Variants in MICU3 observed in about 807,000 individuals in gnomAD.
MICU3 encodes calcium uptake protein 3, mitochondrial.
In MICU3, 62 loss-of-function variants were observed where a neutral mutation model predicts 66.5. That is an observed-to-expected ratio of 0.93 (90% CI 0.76 to 1.15). MICU3 has a LOEUF of 1.15. Among genes scored for constraint, MICU3 ranks in the 50% most tolerant of loss-of-function variants. MICU3 has a pLI of 0.00. For missense variants in MICU3, 779 were observed against 664.4 expected (o/e 1.17, Z -1.90); for synonymous variants, 308 against 240.7 (o/e 1.28, Z -2.59).
chr8:17,107,297 CTG>C (rs1447810950), intron 11 of MICU3, among the ~76,000 whole-genome samples: 1 of 152,060 alleles, frequency 6.6e-6, no homozygotes, highest in Non-Finnish European at 1.5e-5. Flanking sequence ...TGGGGAGAGA[CTG>C]TGAAGAATGA....
intron 3 of MICU3, among the ~76,000 whole-genome samples, chr8:17,077,061 A>G (rs967787624): frequency 2.6e-5 from 4 of 152,350 alleles, no homozygotes; most frequent in East Asian, 3.9e-4. Context: ...TTGATTTAGC[A>G]TATGAGTAAT....
intron 11 of MICU3, among the ~76,000 whole-genome samples, chr8:17,106,132 A>G (rs900325113): frequency 7.9e-5 from 12 of 151,994 alleles, no homozygotes; most frequent in South Asian, 2.1e-4. Context: ...GAACAGTTGC[A>G]TTATCTAGTG....
intron 7 of MICU3, among the ~76,000 whole-genome samples, chr8:17,088,921 G>A (rs2150752022): frequency 6.6e-6 from 1 of 151,800 alleles, no homozygotes; most frequent in East Asian, 1.9e-4. Context: ...ATTAATTAGG[G>A]AAAATCCATC....
Position 17,122,253 on chromosome 8 carries a change from C to T in MICU3, c.*1966C>T, listed in dbSNP as rs915114630. 9 of 151,710 alleles carry T rather than the reference C, an allele frequency of 5.9e-5. No homozygotes were observed. The highest frequency in any genetic ancestry group is 1.2e-4 in the Non-Finnish European group (8 of 67,750). 9.4% of individuals were successfully genotyped at this position (151,710 alleles called of 1,614,324 possible). A position where few individuals can be genotyped will look rare whatever the true frequency, so the allele number is the denominator to read the frequency against. On this transcript the variant is annotated 3_prime_UTR_variant, in exon 15 of 15. Coordinates refer to ENST00000318063, the MANE Select transcript of MICU3 (RefSeq NM_181723.3). ...ATAAAATAGAAAAGAAAGTAAATTA[C>T]AGTGATTTCCATCATATTATCACTC...
Position 17,037,717 on chromosome 8 carries a change from T to A in MICU3, c.381+10057T>A, listed in dbSNP as rs557471984. Among the ~76,000 whole-genome samples, 3 of 152,228 alleles carry A rather than the reference T, an allele frequency of 2.0e-5. No homozygotes were observed. In the South Asian group the frequency reaches 6.2e-4, roughly 32 times the overall value. Reference sequence around the variant, plus strand: ...GTAAATCCACCAATAGCTTGCACCATGCACCTGGAAAAGCCACAGACACTC... The same window carrying A: ...GTAAATCCACCAATAGCTTGCACCAAGCACCTGGAAAAGCCACAGACACTC... On this transcript the variant is annotated intron_variant, in intron 1 of 14. Coordinates refer to ENST00000318063, the MANE Select transcript of MICU3 (RefSeq NM_181723.3).
Position 17,121,798 on chromosome 8 carries a change from A to G in MICU3, c.*1511A>G, listed in dbSNP as rs1276136739. 2.6e-5 allele frequency: 4 copies of G among 152,048 alleles called. No homozygotes were observed. Among genetic ancestry groups the G allele is most frequent in the Admixed American group, 1.3e-4 (2 of 15,244 alleles). The allele number at this position is 152,048 out of a possible 1,614,324, so 9.4% of individuals were successfully genotyped here. ...TATTATTTATGACAGTAATTTTAAA[A>G]TATATTATTCATAAGTTCAAGGATC... On this transcript the variant is annotated 3_prime_UTR_variant, in exon 15 of 15. Coordinates refer to ENST00000318063, the MANE Select transcript of MICU3 (RefSeq NM_181723.3).
At chr8:17,119,137 T>A (rs1457332337) in intron 14 of MICU3, among the ~76,000 whole-genome samples, 2 of 152,160 alleles carry the variant, frequency 1.3e-5, no homozygotes, top group East Asian at 1.9e-4. Context: ...AGGTAGTATC[T>A]CATTTAATTC....
chr8:17,106,361 G>C (rs1018746080), intron 11 of MICU3, among the ~76,000 whole-genome samples: 1 of 149,620 alleles, frequency 6.7e-6, no homozygotes, highest in African/African-American at 2.5e-5. Context: ...AAAAAAAAAA[G>C]ACTTCATGCA....
At chr8:17,040,237 T>G (rs976190655) in intron 1 of MICU3, among the ~76,000 whole-genome samples, 9 of 152,244 alleles carry the variant, frequency 5.9e-5, no homozygotes, top group African/African-American at 2.2e-4. Flanking sequence ...CTTAAATTTT[T>G]AAAGCTTCTT....
chr8:17,075,323 C>T (rs1159897142), intron 3 of MICU3, among the ~76,000 whole-genome samples: 1 of 152,178 alleles, frequency 6.6e-6, no homozygotes, highest in Non-Finnish European at 1.5e-5. Context: ...TGAACTTAAT[C>T]TGTAGCCTCT....
chr8:17,042,238 A>T (rs1814263548), intron 1 of MICU3, among the ~76,000 whole-genome samples: 1 of 152,230 alleles, frequency 6.6e-6, no homozygotes, highest in Non-Finnish European at 1.5e-5. Flanking sequence ...CCAAACTTAT[A>T]ATACAATGCA....
chr8:17,108,652 C>G (rs1370853857), intron 11 of MICU3, among the ~76,000 whole-genome samples: 1 of 152,182 alleles, frequency 6.6e-6, no homozygotes, highest in Non-Finnish European at 1.5e-5. Context: ...TGCTACCATC[C>G]AAGAAACCAT....
intron 11 of MICU3, among the ~76,000 whole-genome samples, chr8:17,112,783 C>T (rs76068614): frequency 6.6e-6 from 1 of 152,116 alleles, no homozygotes; most frequent in African/African-American, 2.4e-5. Context: ...CTAACAGTAG[C>T]CTGTCACTCA....
rs140295733 is a variant in MICU3 at position 17,117,300 on chromosome 8, A to C, written c.1524+700A>C. 6.3e-3 allele frequency among the ~76,000 whole-genome samples: 960 copies of C among 152,260 alleles called. 5 individuals carry two copies. The highest frequency in any genetic ancestry group is 0.01 in the Middle Eastern group (3 of 294). On this transcript the variant is annotated intron_variant, in intron 13 of 14. Transcript: ENST00000318063. ...GCCACTATTTCTCATTTTAGATGAC[A>C]CAGATTTCCTCTAGGTAACTTGATG... is the stretch of plus-strand genomic sequence containing the variant.
At chr8:17,117,727 G>A (rs1802819235) in intron 13 of MICU3, among the ~76,000 whole-genome samples, 1 of 151,148 alleles carries the variant, frequency 6.6e-6, no homozygotes, top group Admixed American at 6.6e-5. Flanking sequence ...CCTTGCCTCA[G>A]CCTCCTGAGT....
At chr8:17,053,687 ATTAC>A (rs895643730) in intron 1 of MICU3, among the ~76,000 whole-genome samples, 2 of 152,204 alleles carry the variant, frequency 1.3e-5, no homozygotes, top group African/African-American at 4.8e-5. Context: ...AAAAAGAATT[ATTAC>A]TTAATTTTTA....
At chr8:17,036,154 C>T (rs527533341) in intron 1 of MICU3, among the ~76,000 whole-genome samples, 9 of 152,068 alleles carry the variant, frequency 5.9e-5, no homozygotes, top group African/African-American at 1.9e-4. Context: ...TTCGTGGTCT[C>T]GCTGGCTCAA....
chr8:17,053,891 A>G (rs950870658), intron 1 of MICU3, among the ~76,000 whole-genome samples: 1 of 152,194 alleles, frequency 6.6e-6, no homozygotes, highest in Non-Finnish European at 1.5e-5. Flanking sequence ...TGTAAGGTGT[A>G]ATTTCCTAGA....
rs78093469 is a variant in MICU3, at chr8:17,033,416, C to G, written c.381+5756C>G. Among the ~76,000 whole-genome samples the G allele has an allele frequency of 0.02, 3,067 of 152,144 alleles. 163 individuals are homozygous for G. In the East Asian group the frequency reaches 0.22, roughly 11 times the overall value. ...ACATTCCCTTAAGACAGAGCTTAAT[C>G]CAGATTAAGGCCTTAATTATCATCA... On this transcript the variant is annotated intron_variant, in intron 1 of 14. Transcript: ENST00000318063.
Sources: allele counts gnomAD v4.1 joint callset (sites outside exome capture counted in the v4.1 genomes callset), GRCh38; gene constraint gnomAD v4.1.1; transcripts MANE v1.5; gene names NCBI Gene and HGNC (gene_info 2026-07-23, HGNC 2026-07-21).